The following OR8D1 variants were observed in gnomAD, a reference collection of about 807,000 sequenced individuals.
OR8D1 encodes the protein olfactory receptor 8D1.
For synonymous variants in OR8D1, 143 were observed against 147.0 expected (o/e 0.97, Z 0.20); for missense variants, 384 against 366.8 (o/e 1.05, Z -0.38).
Position 124,310,084 on chromosome 11 carries a change from A to G in OR8D1, c.683T>C (p.Ile228Thr). 2 of 1,613,628 alleles carry G rather than the reference A, an allele frequency of 1.2e-6. No homozygotes were observed. The highest frequency in any genetic ancestry group is 1.7e-6 in the Non-Finnish European group (2 of 1,179,800). ...TTTGGACCGGCCCTCTGAGGAGCGG[A>G]TGTGAAGGATGCTGTAGAGGATGAA... is the stretch of plus-strand genomic sequence containing the variant. Reference protein sequence around the residue: ...YAFILYSILHIRSSEGRSKAF... With the variant: ...YAFILYSILHTRSSEGRSKAF... Residue 228 changes from isoleucine to threonine, a missense_variant, in exon 3 of 3, where the codon ATC becomes ACC. By Grantham distance (89) the Ile-to-Thr change is moderately conservative. Coordinates refer to ENST00000641015, the MANE Select transcript of OR8D1 (RefSeq NM_001002917.2).
In OR8D1 at chr11:124,308,409, A is replaced by G. The variant is rs965103372; in HGVS notation, c.*1431T>C. On this transcript the variant is annotated 3_prime_UTR_variant, in exon 3 of 3. Coordinates refer to ENST00000641015, the MANE Select transcript of OR8D1 (RefSeq NM_001002917.2). ...TAGGCACTGTATCTGAGAAACTCTAAGATAACATTAAAAAATATTAGAGCA... is the reference window on the plus strand; with the variant it reads ...TAGGCACTGTATCTGAGAAACTCTAGGATAACATTAAAAAATATTAGAGCA... 2 of 152,128 alleles carry G rather than the reference A, an allele frequency of 1.3e-5. No homozygotes were observed. The highest frequency in any genetic ancestry group is 3.2e-3 in the Middle Eastern group (1 of 316). The allele number at this position is 152,128 out of a possible 1,614,324, so 9.4% of individuals were successfully genotyped here. A position where few individuals can be genotyped will look rare whatever the true frequency, so the allele number is the denominator to read the frequency against.
intron 2 of OR8D1, among the ~76,000 whole-genome samples, chr11:124,311,355 C>G (rs772735008): frequency 6.6e-5 from 10 of 152,120 alleles, no homozygotes; most frequent in Non-Finnish European, 1.3e-4. Flanking sequence ...CATAATACCT[C>G]TGGCCCTCTG....
Position 124,303,084 on chromosome 11 carries a change from T to G in OR8D1, c.*6756A>C, listed in dbSNP as rs527785801. On this transcript the variant is annotated 3_prime_UTR_variant, in exon 3 of 3. Transcript: ENST00000641015. ...TAAGGAACTGCTGGAGACTAGGTTA[T>G]TCATAAAGAAGAGAGGTTTAATTGA... 3 of 152,338 alleles carry G rather than the reference T, an allele frequency of 2.0e-5. No homozygotes were observed. In the East Asian group the frequency reaches 5.8e-4, roughly 29 times the overall value. 9.4% of individuals were successfully genotyped at this position (152,338 alleles called of 1,614,324 possible). A position where few individuals can be genotyped will look rare whatever the true frequency, so the allele number is the denominator to read the frequency against.
rs914065263 is a variant in OR8D1 at position 124,309,596 on chromosome 11, A to G, written c.*244T>C. 8 of 239,546 alleles carry G rather than the reference A, an allele frequency of 3.3e-5. No homozygotes were observed. The highest frequency in any genetic ancestry group is 1.8e-4 in the African/African-American group (8 of 44,692). 14.8% of individuals were successfully genotyped at this position (239,546 alleles called of 1,614,324 possible). On this transcript the variant is annotated 3_prime_UTR_variant, in exon 3 of 3. Coordinates refer to ENST00000641015, the MANE Select transcript of OR8D1 (RefSeq NM_001002917.2). ...GAATTCTCATGTCTTTTCTATCACA[A>G]TTGGTAAAAGAAATTAAAACTACCT... is the stretch of plus-strand genomic sequence containing the variant.
chr11:124,310,271 GT>G lies in OR8D1; in HGVS notation c.495del (p.Lys165AsnfsTer48). ...SALTHTSAMM[K>X]LSFCKSHIIN... The stretch of plus-strand genomic sequence containing the variant: ...ATAATGTGGGATTTGCAAAAGGACA[GT>G]TTCATCATGGCACTTGTATGAGTCA... On this transcript the variant is annotated frameshift_variant, in exon 3 of 3. Transcript: ENST00000641015. LOFTEE classifies it low-confidence loss of function (END_TRUNC). The G allele has an allele frequency of 6.2e-7, 1 of 1,613,860 alleles. No individual in the cohort carries two copies. Among genetic ancestry groups the G allele is most frequent in the Non-Finnish European group, 8.5e-7 (1 of 1,179,934 alleles).
chr11:124,303,411 G>A lies in OR8D1; in HGVS notation c.*6429C>T, dbSNP rs1039112161. ...TTGACATGTAGTATAGTAAACGGTC[G>A]TATTTGGCTGATTCTGTGAAGTTAA... is the stretch of plus-strand genomic sequence containing the variant. On this transcript the variant is annotated 3_prime_UTR_variant, in exon 3 of 3. Coordinates refer to ENST00000641015, the MANE Select transcript of OR8D1 (RefSeq NM_001002917.2). 2.0e-5 allele frequency: 3 copies of A among 151,958 alleles called. No individual in the cohort carries two copies. Among genetic ancestry groups the A allele is most frequent in the Non-Finnish European group, 4.4e-5 (3 of 67,952 alleles). 9.4% of individuals were successfully genotyped at this position (151,958 alleles called of 1,614,324 possible).
Position 124,310,353 on chromosome 11 carries a change from T to G in OR8D1, c.414A>C (p.Ser138=), listed in dbSNP as rs760110718. Residue 138 remains serine (S), a synonymous_variant, in exon 3 of 3, where the codon TCA becomes TCC. Coordinates refer to ENST00000641015, the MANE Select transcript of OR8D1 (RefSeq NM_001002917.2). ...CCAGCACTAGCAGTGAGCAGACCCA[T>G]GAGGACATGATCGCATTATAAAGCA... The part of the protein sequence containing the change: ...SPLLYNAIMS[S]WVCSLLVLAA... 10 of 1,613,590 alleles carry G rather than the reference T, an allele frequency of 6.2e-6. No homozygotes were observed. In the Admixed American group the frequency reaches 1.5e-4, roughly 24 times the overall value.
rs972376830 is a variant in OR8D1, at chr11:124,313,717, T to G, written c.-122+4A>C. On this transcript the variant is annotated splice_donor_region_variant and intron_variant, in intron 1 of 2. Transcript: ENST00000641015. ...GATGGTCATAAAGGAGATGGGACAC[T>G]TACCTTGGTCCTGCACAGAAACAGA... The G allele has an allele frequency of 9.2e-5, 14 of 152,188 alleles. No homozygotes were observed. Among genetic ancestry groups the G allele is most frequent in the African/African-American group, 2.7e-4 (11 of 41,448 alleles). 9.4% of individuals were successfully genotyped at this position (152,188 alleles called of 1,614,324 possible). A position where few individuals can be genotyped will look rare whatever the true frequency, so the allele number is the denominator to read the frequency against.
In OR8D1 at chr11:124,310,411, G is replaced by A; in HGVS notation, c.356C>T (p.Ala119Val). Residue 119 changes from alanine (A) to valine (V), a missense_variant, in exon 3 of 3, where the codon GCA becomes GTA. Coordinates refer to ENST00000641015, the MANE Select transcript of OR8D1 (RefSeq NM_001002917.2). ...VAEGYLLTAM[A>V]YDRYVAICSP... Reference sequence around the variant, plus strand: ...ACAGATGGCAACATAGCGATCATATGCCATGGCAGTCAGGAGGTAACCCTC... The same window carrying A: ...ACAGATGGCAACATAGCGATCATATACCATGGCAGTCAGGAGGTAACCCTC... The A allele has an allele frequency of 3.1e-6, 5 of 1,613,436 alleles. No homozygotes were observed. The highest frequency in any genetic ancestry group is 1.7e-5 in the Admixed American group (1 of 59,872).
Position 124,310,353 on chromosome 11 carries a change from T to C in OR8D1, c.414A>G (p.Ser138=). The change falls in exon 3 of 3, where the codon TCA becomes TCG. Residue 138 remains serine, a synonymous_variant. Transcript: ENST00000641015. The part of the protein sequence containing the change: ...SPLLYNAIMS[S]WVCSLLVLAA... ...CCAGCACTAGCAGTGAGCAGACCCATGAGGACATGATCGCATTATAAAGCA... is the reference window on the plus strand; with the variant it reads ...CCAGCACTAGCAGTGAGCAGACCCACGAGGACATGATCGCATTATAAAGCA... 6.2e-7 allele frequency: 1 copy of C among 1,613,590 alleles called. No individual in the cohort carries two copies. The highest frequency in any genetic ancestry group is 8.5e-7 in the Non-Finnish European group (1 of 1,179,898).
rs1862396195 is a variant in OR8D1, at chr11:124,309,370, T to A, written c.*470A>T. On this transcript the variant is annotated 3_prime_UTR_variant, in exon 3 of 3. Transcript: ENST00000641015. ...TCTTTTCTTTTCTATTCTTTCCTTTTCTTTTCTTTTTTCTTTTCTTTTCTG... is the reference window on the plus strand; with the variant it reads ...TCTTTTCTTTTCTATTCTTTCCTTTACTTTTCTTTTTTCTTTTCTTTTCTG... 1 of 152,210 alleles carries A rather than the reference T, an allele frequency of 6.6e-6. No homozygotes were observed. Among genetic ancestry groups the A allele is most frequent in the Non-Finnish European group, 1.5e-5 (1 of 68,066 alleles). The allele number at this position is 152,210 out of a possible 1,614,324, so 9.4% of individuals were successfully genotyped here. A position where few individuals can be genotyped will look rare whatever the true frequency, so the allele number is the denominator to read the frequency against.
chr11:124,312,928 C>T (rs995440196), intron 1 of OR8D1, among the ~76,000 whole-genome samples: 7 of 151,850 alleles, frequency 4.6e-5, no homozygotes, highest in African/African-American at 7.2e-5. Flanking sequence ...AATCCCAGAA[C>T]TTTGGGAGGC....
intron 2 of OR8D1, among the ~76,000 whole-genome samples, chr11:124,311,335 G>A (rs1862420045): frequency 6.6e-6 from 1 of 152,044 alleles, no homozygotes; most frequent in Non-Finnish European, 1.5e-5. Context: ...TGCAGAAGTG[G>A]GAGTCTCCAC....
chr11:124,311,000 C>T (rs1285319252), intron 2 of OR8D1, among the ~76,000 whole-genome samples: 1 of 152,128 alleles, frequency 6.6e-6, no homozygotes, highest in Admixed American at 6.6e-5. Context: ...TCCTGACTGA[C>T]TCAGTAACAT....
In OR8D1 at chr11:124,305,074, G is replaced by T. The variant is rs1024680989; in HGVS notation, c.*4766C>A. ...GGCATTGAATCAGGTTCAGCTTTTG[G>T]ATACAGACATCTAGTCAATCAGAAC... On this transcript the variant is annotated 3_prime_UTR_variant, in exon 3 of 3. Coordinates refer to ENST00000641015, the MANE Select transcript of OR8D1 (RefSeq NM_001002917.2). The T allele has an allele frequency of 5.3e-5, 8 of 151,806 alleles. No homozygotes were observed. The highest frequency in any genetic ancestry group is 1.9e-4 in the African/African-American group (8 of 41,378). 9.4% of individuals were successfully genotyped at this position (151,806 alleles called of 1,614,324 possible).
rs1232498349 is a variant in OR8D1, at chr11:124,306,639, G to A, written c.*3201C>T. The A allele has an allele frequency of 6.6e-6, 1 of 151,850 alleles. No homozygotes were observed. The highest frequency in any genetic ancestry group is 2.4e-5 in the African/African-American group (1 of 41,398). The allele number at this position is 151,850 out of a possible 1,614,324, so 9.4% of individuals were successfully genotyped here. A position where few individuals can be genotyped will look rare whatever the true frequency, so the allele number is the denominator to read the frequency against. On this transcript the variant is annotated 3_prime_UTR_variant, in exon 3 of 3. Transcript: ENST00000641015. ...GGATTTTGTGTCACTTTTCTTAAGA[G>A]TTACTTCGAATTTCCCAATTATAAT...
rs1345569079 is a variant in OR8D1 at position 124,306,154 on chromosome 11, C to T, written c.*3686G>A. On this transcript the variant is annotated 3_prime_UTR_variant, in exon 3 of 3. Transcript: ENST00000641015. Reference sequence around the variant, plus strand: ...GTATGCATGCCTAGAAATTGAATAACGTGGTAAAATTGTGTGGAATTATTT... The same window carrying T: ...GTATGCATGCCTAGAAATTGAATAATGTGGTAAAATTGTGTGGAATTATTT... 2.6e-5 allele frequency: 4 copies of T among 151,394 alleles called. No individual in the cohort carries two copies. The highest frequency in any genetic ancestry group is 4.8e-5 in the African/African-American group (2 of 41,278). 9.4% of individuals were successfully genotyped at this position (151,394 alleles called of 1,614,324 possible).
rs1862371338 is a variant in OR8D1, at chr11:124,306,666, T to G, written c.*3174A>C. On this transcript the variant is annotated 3_prime_UTR_variant, in exon 3 of 3. Transcript: ENST00000641015. ...TACTTCGAATTTCCCAATTATAATTTTGAATCTTCTGTATTTCTTGATTCT... is the reference window on the plus strand; with the variant it reads ...TACTTCGAATTTCCCAATTATAATTGTGAATCTTCTGTATTTCTTGATTCT... 6.6e-6 allele frequency: 1 copy of G among 152,000 alleles called. No homozygotes were observed. The highest frequency in any genetic ancestry group is 1.5e-5 in the Non-Finnish European group (1 of 67,954). 9.4% of individuals were successfully genotyped at this position (152,000 alleles called of 1,614,324 possible). A position where few individuals can be genotyped will look rare whatever the true frequency, so the allele number is the denominator to read the frequency against.
rs1187247341 is a variant in OR8D1 at position 124,306,073 on chromosome 11, G to A, written c.*3767C>T. 1 of 151,592 alleles carries A rather than the reference G, an allele frequency of 6.6e-6. No homozygotes were observed. Among genetic ancestry groups the A allele is most frequent in the Non-Finnish European group, 1.5e-5 (1 of 67,818 alleles). The allele number at this position is 151,592 out of a possible 1,614,324, so 9.4% of individuals were successfully genotyped here. On this transcript the variant is annotated 3_prime_UTR_variant, in exon 3 of 3. Coordinates refer to ENST00000641015, the MANE Select transcript of OR8D1 (RefSeq NM_001002917.2). ...AACATTTAACTCAATTCATTATTTT[G>A]TTACTGTCAATATATTTATAGCTCT...
Sources: gnomAD v4.1 joint callset for allele counts (sites outside exome capture counted in the v4.1 genomes callset) on GRCh38, gnomAD v4.1.1 for gene constraint, MANE v1.5 for transcripts, NCBI Gene and HGNC (gene_info 2026-07-23, HGNC 2026-07-21) for gene names.